CNTNAP4: variants seen among roughly 807,000 people sequenced by gnomAD.
CNTNAP4 encodes the protein contactin associated protein family member 4, also known as contactin-associated protein-like 4.
CNTNAP4 carries 98 observed loss-of-function variants against 148.4 expected under a neutral mutation model. The observed-to-expected ratio is 0.66, with a 90% CI of 0.56 to 0.78. The LOEUF (loss-of-function observed/expected upper bound fraction) is 0.78. Among genes scored for constraint, CNTNAP4 ranks in the 30% least tolerant of loss-of-function variants. CNTNAP4 has a pLI of 0.00. For missense variants in CNTNAP4, 1,935 were observed against 1,565.6 expected, an observed-to-expected ratio of 1.24 and a Z score of -3.98; for synonymous variants, 730 against 565.1, an observed-to-expected ratio of 1.29 and a Z score of -4.14.
chr16:76,411,188 A>T (rs1409180411), intron 3 of CNTNAP4, among the ~76,000 whole-genome samples: 1 of 151,494 alleles, frequency 6.6e-6, no homozygotes, highest in African/African-American at 2.4e-5. Flanking sequence ...TTTTCAAATT[A>T]AATATAATAA....
chr16:76,334,418 C>T (rs373710305), intron 2 of CNTNAP4, among the ~76,000 whole-genome samples: 1 of 152,210 alleles, frequency 6.6e-6, no homozygotes, highest in East Asian at 1.9e-4. Context: ...TTGCTGCTCA[C>T]AGACATAATC....
At chr16:76,399,199 A>G (rs2078317358) in intron 3 of CNTNAP4, among the ~76,000 whole-genome samples, 1 of 152,154 alleles carries the variant, frequency 6.6e-6, no homozygotes, top group South Asian at 2.1e-4. Flanking sequence ...GTGTGGCTCT[A>G]TTAGCAGCAT....
intron 3 of CNTNAP4, among the ~76,000 whole-genome samples, chr16:76,397,572 A>T (rs534604817): frequency 1.3e-5 from 2 of 152,108 alleles, no homozygotes; most frequent in East Asian, 3.9e-4. Flanking sequence ...AATATATAGC[A>T]ACTGTTACAT....
intron 3 of CNTNAP4, among the ~76,000 whole-genome samples, chr16:76,363,601 T>C (rs906199260): frequency 6.6e-6 from 1 of 152,120 alleles, no homozygotes; most frequent in Admixed American, 6.6e-5. Context: ...TAAATATTTT[T>C]AAATATACCA....
chr16:76,380,002 C>G (rs866491429), intron 3 of CNTNAP4, among the ~76,000 whole-genome samples: 2 of 152,084 alleles, frequency 1.3e-5, no homozygotes, highest in Non-Finnish European at 2.9e-5. Context: ...ATGACATTTG[C>G]ATAAATCTTG....
In CNTNAP4 at chr16:76,553,488, A is replaced by G. The variant is rs772248872; in HGVS notation, c.3648A>G (p.Thr1216=). Residue 1216 remains threonine, a synonymous_variant, in exon 22 of 24, where the codon ACA becomes ACG. Coordinates refer to ENST00000611870, the MANE Select transcript of CNTNAP4 (RefSeq NM_033401.5). The part of the protein sequence containing the change: ...PGTDATSRER[T]HSFADHSGTI... ...CTGATGCCACATCAAGGGAAAGGAC[A>G]CACTCGTTTGCAGGTGACTTAGAGT... is the stretch of plus-strand genomic sequence containing the variant. The G allele has an allele frequency of 2.5e-6, 4 of 1,610,126 alleles. No homozygotes were observed. The African/African-American group carries it at 5.3e-5, about 22-fold the overall frequency.
At position 76,369,863 on chromosome 16, in the gene CNTNAP4, G is replaced by C. The variant is rs1224995408; in HGVS notation, c.390+14352G>C. 2.6e-5 allele frequency among the ~76,000 whole-genome samples: 4 copies of C among 152,146 alleles called. No homozygotes were observed. The South Asian group carries it at 6.2e-4, about 24-fold the overall frequency. On this transcript the variant is annotated intron_variant, in intron 3 of 23. Transcript: ENST00000611870. Reference sequence around the variant, plus strand: ...TTTCAAAGAGAGGGAGGGAGGGAGAGAGAGAGAGAGAGGATTTGCCCTTTC... The same window carrying C: ...TTTCAAAGAGAGGGAGGGAGGGAGACAGAGAGAGAGAGGATTTGCCCTTTC...
At chr16:76,410,448 T>A (rs1449713937) in intron 3 of CNTNAP4, among the ~76,000 whole-genome samples, 1 of 151,708 alleles carries the variant, frequency 6.6e-6, no homozygotes, top group Non-Finnish European at 1.5e-5. Flanking sequence ...GTGAGCCATT[T>A]ACTGGTTGGT....
At chr16:76,536,246 A>T (rs2084206672) in intron 18 of CNTNAP4, among the ~76,000 whole-genome samples, 1 of 151,864 alleles carries the variant, frequency 6.6e-6, no homozygotes, top group African/African-American at 2.4e-5. Context: ...CCCAGGCTGG[A>T]GTGCAGTGGC....
Position 76,448,777 on chromosome 16 carries a change from A to C in CNTNAP4, c.753A>C (p.Lys251Asn), listed in dbSNP as rs757350170. The C allele has an allele frequency of 2.0e-5, 32 of 1,606,104 alleles. No homozygotes were observed. Among genetic ancestry groups the C allele is most frequent in the Non-Finnish European group, 2.6e-5 (31 of 1,176,282 alleles). The part of the protein sequence containing the change: ...LFLLINSGEA[K>N]LPSTSTLVNL... ...TTCTCCTCTTCTAAGGTGAAGCTAA[A>C]CTGCCTTCCACTTCCACCCTGGTCA... Residue 251 changes from lysine (K) to asparagine (N), a missense_variant, in exon 6 of 24, where the codon AAA becomes AAC. Lys to Asn is a moderately conservative substitution (Grantham distance 94). Coordinates refer to ENST00000611870, the MANE Select transcript of CNTNAP4 (RefSeq NM_033401.5).
At chr16:76,484,143 A>G (rs1355746944) in intron 12 of CNTNAP4, among the ~76,000 whole-genome samples, 2 of 151,628 alleles carry the variant, frequency 1.3e-5, no homozygotes, top group African/African-American at 4.8e-5. Flanking sequence ...TTAAGACTAA[A>G]CAATTCTAAG....
At position 76,530,227 on chromosome 16, in the gene CNTNAP4, G is replaced by T. The variant is rs546373347; in HGVS notation, c.2756-5318G>T. 1.6e-3 allele frequency among the ~76,000 whole-genome samples: 250 copies of T among 151,794 alleles called. 1 individual carries two copies. Among genetic ancestry groups the T allele is most frequent in the Admixed American group, 3.1e-3 (47 of 15,242 alleles). On this transcript the variant is annotated intron_variant, in intron 17 of 23. Transcript: ENST00000611870. ...CCAGATTTTTATTTTTTTAATTTCG[G>T]TTTTTTATATGCTAAAATGTAGTTA...
At chr16:76,557,068 A>G (rs1234799007) in intron 23 of CNTNAP4, among the ~76,000 whole-genome samples, 1 of 152,216 alleles carries the variant, frequency 6.6e-6, no homozygotes, top group Non-Finnish European at 1.5e-5. Context: ...CTATTTTCAT[A>G]GTACCTATTT....
chr16:76,349,399 C>T (rs1346233275), intron 2 of CNTNAP4, among the ~76,000 whole-genome samples: 1 of 152,106 alleles, frequency 6.6e-6, no homozygotes, highest in Non-Finnish European at 1.5e-5. Context: ...AACAGACCGA[C>T]AGCAACATAC....
At position 76,375,562 on chromosome 16, in the gene CNTNAP4, G is replaced by T. The variant is rs561038932; in HGVS notation, c.390+20051G>T. 3.2e-4 allele frequency among the ~76,000 whole-genome samples: 48 copies of T among 152,288 alleles called. 1 individual carries two copies. In the South Asian group the frequency reaches 9.3e-3, roughly 30 times the overall value. ...TCTAGCACACAGTAGAACAAGGTTG[G>T]CTCTTACCTTTGCTCCAGGAAAAGT... On this transcript the variant is annotated intron_variant, in intron 3 of 23. Coordinates refer to ENST00000611870, the MANE Select transcript of CNTNAP4 (RefSeq NM_033401.5).
intron 2 of CNTNAP4, among the ~76,000 whole-genome samples, chr16:76,316,820 A>C (rs1961810095): frequency 6.6e-6 from 1 of 152,186 alleles, no homozygotes; most frequent in Non-Finnish European, 1.5e-5. Context: ...ATGAAACCTT[A>C]ATTGGCCTTC....
In CNTNAP4 at chr16:76,421,097, A is replaced by T. The variant is rs370554701; in HGVS notation, c.391-6355A>T. ...TTCCTGTGCTTTTTCTCTTCTGGCTATTTGATCTGTCTTGGGAATTCAAAC... is the reference window on the plus strand; with the variant it reads ...TTCCTGTGCTTTTTCTCTTCTGGCTTTTTGATCTGTCTTGGGAATTCAAAC... On this transcript the variant is annotated intron_variant, in intron 3 of 23. Coordinates refer to ENST00000611870, the MANE Select transcript of CNTNAP4 (RefSeq NM_033401.5). Among the ~76,000 whole-genome samples, 12 of 152,134 alleles carry T rather than the reference A, an allele frequency of 7.9e-5. No individual in the cohort carries two copies. In the South Asian group the frequency reaches 1.9e-3, roughly 24 times the overall value.
At chr16:76,320,089 GTT>G (rs1597180429) in intron 2 of CNTNAP4, among the ~76,000 whole-genome samples, 1 of 152,276 alleles carries the variant, frequency 6.6e-6, no homozygotes, top group East Asian at 1.9e-4. Flanking sequence ...TGAAAAGACC[GTT>G]GGTGTAAATA....
At chr16:76,450,538 A>G (rs920173162) in intron 7 of CNTNAP4, among the ~76,000 whole-genome samples, 3 of 152,202 alleles carry the variant, frequency 2.0e-5, no homozygotes, top group African/African-American at 7.2e-5. Flanking sequence ...AACCATGTAT[A>G]TTAGGGAGAC....
Sources: allele counts gnomAD v4.1 joint callset (sites outside exome capture counted in the v4.1 genomes callset), GRCh38; gene constraint gnomAD v4.1.1; transcripts MANE v1.5; gene names NCBI Gene and HGNC (gene_info 2026-07-23, HGNC 2026-07-21).